DMD: variants seen among roughly 807,000 people sequenced by gnomAD.
DMD encodes the protein mutant dystrophin.
A neutral mutation model predicts 330.1 loss-of-function variants in DMD; 63 were observed. The ratio of observed to expected loss-of-function variants is 0.19; its 90% CI spans 0.16 to 0.24. DMD has a LOEUF of 0.24. Ranked by LOEUF, DMD falls within the 10% of genes least tolerant of loss-of-function variation. The pLI, the probability that DMD is intolerant of heterozygous loss-of-function variation, is 1.00. For missense variants in DMD, 3,344 were observed against 2,684.1 expected, an observed-to-expected ratio of 1.25 and a Z score of -5.43; for synonymous variants, 1,223 against 959.8, an observed-to-expected ratio of 1.27 and a Z score of -5.07.
chrX:32,870,506 A>C (rs1603451172), intron 2 of DMD, among the ~76,000 whole-genome samples: 1 of 112,070 alleles, frequency 8.9e-6, no homozygotes, highest in Non-Finnish European at 1.9e-5. Context: ...CAAAGCTAGA[A>C]GCCTAATGCT....
intron 34 of DMD, among the ~76,000 whole-genome samples, chrX:32,379,957 A>T (rs142888568): frequency 0.028 from 3,152 of 111,353 alleles, 113 homozygotes; most frequent in African/African-American, 0.095. Context: ...CTCTTGACTA[A>T]GTTCTAAGCA....
At chrX:31,746,377 T>C (rs1352867691) in intron 51 of DMD, among the ~76,000 whole-genome samples, 1 of 111,847 alleles carries the variant, frequency 8.9e-6, no homozygotes, top group Non-Finnish European at 1.9e-5. Context: ...GAAATTTGAA[T>C]TATCAAAATA....
chrX:33,217,159 A>T (rs1454994552), intron 1 of DMD, among the ~76,000 whole-genome samples: 2 of 111,365 alleles, frequency 1.8e-5, no homozygotes, highest in Admixed American at 9.6e-5. Context: ...TGTTACCCAT[A>T]TTATAAGGCA....
chrX:33,136,295 A>AAAAC (rs1569556144), intron 1 of DMD, among the ~76,000 whole-genome samples: 3 of 104,959 alleles, frequency 2.9e-5, no homozygotes, highest in African/African-American at 1.0e-4. Context: ...AAAAAAAAAA[A>AAAAC]AAAAAAAAAA....
intron 52 of DMD, among the ~76,000 whole-genome samples, chrX:31,728,823 T>C (rs983028156): frequency 9.0e-6 from 1 of 111,568 alleles, no homozygotes; most frequent in Non-Finnish European, 1.9e-5. Flanking sequence ...GAAAATTCAA[T>C]ACCAGTGTGT....
intron 13 of DMD, among the ~76,000 whole-genome samples, chrX:32,574,680 A>G (rs1423218918): frequency 1.8e-5 from 2 of 111,537 alleles, no homozygotes; most frequent in Non-Finnish European, 3.8e-5. Context: ...TTGGACCTTT[A>G]AAGCTAGAAA....
At chrX:31,848,685 A>T (rs771862559) in intron 48 of DMD, among the ~76,000 whole-genome samples, 1 of 111,169 alleles carries the variant, frequency 9.0e-6, no homozygotes, top group South Asian at 3.8e-4. Context: ...ACTTGTATTA[A>T]TTAGGTAATA....
intron 57 of DMD, among the ~76,000 whole-genome samples, chrX:31,490,358 C>G (rs895448944): frequency 9.0e-5 from 10 of 111,083 alleles, no homozygotes; most frequent in East Asian, 2.8e-4. Flanking sequence ...GTCAGGAGAT[C>G]GAGACCATCC....
At chrX:32,584,993 A>T (rs1457185183) in intron 13 of DMD, among the ~76,000 whole-genome samples, 1 of 111,890 alleles carries the variant, frequency 8.9e-6, no homozygotes, top group Non-Finnish European at 1.9e-5. Context: ...ATATATACAT[A>T]ATGCAATGTT....
chrX:32,593,127 C>A (rs1359585618), intron 13 of DMD, among the ~76,000 whole-genome samples: 1 of 112,687 alleles, frequency 8.9e-6, no homozygotes, highest in Admixed American at 9.3e-5. Context: ...TGCAAGGAGC[C>A]CAGCGGGCAC....
intron 48 of DMD, among the ~76,000 whole-genome samples, chrX:31,861,638 C>CTG (rs1556949987): frequency 0.023 from 1,901 of 83,031 alleles, 23 homozygotes; most frequent in Middle Eastern, 0.043. Flanking sequence ...AAATAATCAC[C>CTG]TGTGTGTGTG....
At chrX:32,036,624 T>C (rs2095948978) in intron 44 of DMD, among the ~76,000 whole-genome samples, 1 of 111,397 alleles carries the variant, frequency 9.0e-6, no homozygotes, top group Admixed American at 9.6e-5. Context: ...TAGAGATCTA[T>C]TAGACATTTG....
intron 45 of DMD, among the ~76,000 whole-genome samples, chrX:31,937,756 G>GTTATTTCT (rs997741222): frequency 2.1e-4 from 23 of 112,029 alleles, no homozygotes; most frequent in Admixed American, 7.6e-4. Flanking sequence ...CACATGAAGT[G>GTTATTTCT]TTATTTCTTT....
At chrX:31,136,573 A>G (rs1205065637) in intron 76 of DMD, among the ~76,000 whole-genome samples, 1 of 112,098 alleles carries the variant, frequency 8.9e-6, no homozygotes, top group Non-Finnish European at 1.9e-5. Context: ...AATCAGAACC[A>G]AGAGAACATC....
chrX:32,975,613 C>G (rs1050790951), intron 2 of DMD, among the ~76,000 whole-genome samples: 2 of 110,830 alleles, frequency 1.8e-5, no homozygotes, highest in African/African-American at 3.3e-5. Flanking sequence ...GAGAGGACGA[C>G]AGCTAGGGAT....
intron 44 of DMD, among the ~76,000 whole-genome samples, chrX:32,026,230 G>C (rs1047505380): frequency 8.9e-6 from 1 of 112,119 alleles, no homozygotes; most frequent in Admixed American, 9.4e-5. Flanking sequence ...CATCAACTGA[G>C]ACATTTATTT....
chrX:31,616,743 C>A (rs747542674), intron 55 of DMD, among the ~76,000 whole-genome samples: 6 of 111,522 alleles, frequency 5.4e-5, no homozygotes, highest in Non-Finnish European at 1.1e-4. Flanking sequence ...TGGATTGGAG[C>A]CACTGGTGGG....
chrX:32,750,776 C>T (rs1232481786), intron 7 of DMD, among the ~76,000 whole-genome samples: 7 of 111,785 alleles, frequency 6.3e-5, no homozygotes, highest in African/African-American at 2.0e-4. Flanking sequence ...TATGGTTTGG[C>T]TGTGCCCTCA....
chrX:33,112,132 G>C (rs760612719), intron 1 of DMD, among the ~76,000 whole-genome samples: 27 of 110,732 alleles, frequency 2.4e-4, no homozygotes, highest in African/African-American at 4.6e-4. Context: ...GATGAGTACA[G>C]TACAATAAGA....
Sources: gnomAD v4.1 joint callset for allele counts (sites outside exome capture counted in the v4.1 genomes callset) on GRCh38, gnomAD v4.1.1 for gene constraint, MANE v1.5 for transcripts, NCBI Gene and HGNC (gene_info 2026-07-23, HGNC 2026-07-21) for gene names.